ARHGEF10: variants seen among roughly 807,000 people sequenced by gnomAD.
ARHGEF10 encodes the protein Rho guanine nucleotide exchange factor 10, also known as Rho guanine nucleotide exchange factor (GEF) 10.
A neutral mutation model predicts 147.4 loss-of-function variants in ARHGEF10; 140 were observed. The observed-to-expected ratio is 0.95, with a 90% CI of 0.83 to 1.09. The LOEUF (loss-of-function observed/expected upper bound fraction) is 1.09, where lower values mean the gene tolerates loss of function less well. ARHGEF10 is among the 50% of genes least tolerant of loss of function. The probability of loss-of-function intolerance (pLI) is 0.00; values close to 1 mark genes in which losing one functional copy is unlikely to be tolerated. For synonymous variants in ARHGEF10, 902 were observed against 695.8 expected (o/e 1.30, Z -4.67); for missense variants, 2,222 against 1,752.7 (o/e 1.27, Z -4.78).
chr8:1,871,372 C>T (rs913211260), intron 7 of ARHGEF10, among the ~76,000 whole-genome samples: 15 of 151,304 alleles, frequency 9.9e-5, no homozygotes, highest in African/African-American at 3.6e-4. Context: ...TCAATACAAA[C>T]ATTTAGAAAT....
chr8:1,854,942 C>G (rs1475042655), intron 2 of ARHGEF10, among the ~76,000 whole-genome samples: 1 of 152,062 alleles, frequency 6.6e-6, no homozygotes, highest in Non-Finnish European at 1.5e-5. Context: ...CCCAGGTAAT[C>G]CCACCGGTCT....
intron 1 of ARHGEF10, among the ~76,000 whole-genome samples, chr8:1,829,026 C>G (rs988574264): frequency 6.6e-6 from 1 of 152,244 alleles, no homozygotes; most frequent in Non-Finnish European, 1.5e-5. Flanking sequence ...TGAGCGGACA[C>G]GGACGGGGAG....
At chr8:1,945,991 A>G in intron 27 of ARHGEF10, 1 of 457,772 alleles carries the variant, frequency 2.2e-6, no homozygotes, top group South Asian at 2.2e-5. Context: ...GGCCCTGGGG[A>G]AGCCAGGACC....
Position 1,957,156 on chromosome 8 carries a change from T to C in ARHGEF10, c.3928T>C (p.Cys1310Arg). Residue 1310 changes from cysteine (C) to arginine (R), a missense_variant, in exon 29 of 29, where the codon TGT becomes CGT. By Grantham distance (180) the Cys-to-Arg change is radical. Coordinates refer to ENST00000349830, the MANE Select transcript of ARHGEF10 (RefSeq NM_014629.4). ...CAAGGCCAGCTCGGCGCTGGTGGTC[T>C]GTGGAGGGCAGGGCCACCGCCGGGT... ...KAKASSALVV[C>R]GGQGHRRVHR... The C allele has an allele frequency of 6.2e-7, 1 of 1,612,734 alleles. No homozygotes were observed. Among genetic ancestry groups the C allele is most frequent in the Non-Finnish European group, 8.5e-7 (1 of 1,180,020 alleles).
intron 7 of ARHGEF10, among the ~76,000 whole-genome samples, chr8:1,872,028 T>C (rs1194331123): frequency 6.6e-6 from 1 of 151,740 alleles, no homozygotes; most frequent in East Asian, 1.9e-4. Flanking sequence ...CCTCTGGTTA[T>C]ATTAAGATGA....
chr8:1,879,813 A>G (rs2129119082), intron 8 of ARHGEF10, among the ~76,000 whole-genome samples: 1 of 152,158 alleles, frequency 6.6e-6, no homozygotes, highest in South Asian at 2.1e-4. Flanking sequence ...TCCGCCTCCT[A>G]AAGTGCTGGG....
At position 1,894,494 on chromosome 8, in the gene ARHGEF10, G is replaced by A. The variant is rs752826935; in HGVS notation, c.1362G>A (p.Ser454=). 1.2e-5 allele frequency: 20 copies of A among 1,614,080 alleles called. No homozygotes were observed. In the Admixed American group the frequency reaches 2.2e-4, roughly 17 times the overall value. ...TCAAAGAGATCCTGCAGTGCCACTC[G>A]CTATTTCAGATCGCGCTGGCCAGCC... ...YRVKEILQCH[S]LFQIALASRV... The change falls in exon 13 of 29, where the codon TCG becomes TCA. Residue 454 remains serine (S), a synonymous_variant. Transcript: ENST00000349830.
intron 26 of ARHGEF10, 142 bp downstream of exon 26, chr8:1,934,084 C>A: frequency 8.7e-7 from 1 of 1,154,820 alleles, no homozygotes; most frequent in Non-Finnish European, 1.3e-6. Flanking sequence ...CCTGTAATGC[C>A]AACACTCTGG....
At chr8:1,934,655 G>C (rs1813427205) in intron 26 of ARHGEF10, among the ~76,000 whole-genome samples, 1 of 152,130 alleles carries the variant, frequency 6.6e-6, no homozygotes, top group African/African-American at 2.4e-5. Context: ...ACACGGAGCT[G>C]GCTCTCAAAC....
rs1436310299 is a variant in ARHGEF10 at position 1,890,517 on chromosome 8, C to T, written c.1183-3052C>T. On this transcript the variant is annotated intron_variant, in intron 11 of 28. Coordinates refer to ENST00000349830, the MANE Select transcript of ARHGEF10 (RefSeq NM_014629.4). Reference sequence around the variant, plus strand: ...GGTTGTGAGGAGATTCTGAGTGGGGCGAGACGGGTCTCTGAGGAGACACTG... The same window carrying T: ...GGTTGTGAGGAGATTCTGAGTGGGGTGAGACGGGTCTCTGAGGAGACACTG... 2.3e-5 allele frequency among the ~76,000 whole-genome samples: 3 copies of T among 128,022 alleles called. 1 individual carries two copies. The highest frequency in any genetic ancestry group is 5.3e-4 in the South Asian group (2 of 3,770). The allele number at this position is 128,022 out of a possible 152,430, so 84.0% of individuals were successfully genotyped here.
At chr8:1,947,140 C>G (rs1263005811) in intron 27 of ARHGEF10, among the ~76,000 whole-genome samples, 1 of 152,210 alleles carries the variant, frequency 6.6e-6, no homozygotes, top group African/African-American at 2.4e-5. Flanking sequence ...TGGGACAAAA[C>G]CAAGTCACAT....
At chr8:1,920,200 T>C (rs1402132507) in intron 18 of ARHGEF10, among the ~76,000 whole-genome samples, 1 of 152,168 alleles carries the variant, frequency 6.6e-6, no homozygotes, top group Non-Finnish European at 1.5e-5. Flanking sequence ...TGTGTGAAAA[T>C]ATATAGAGCC....
At position 1,884,174 on chromosome 8, in the gene ARHGEF10, A is replaced by G. The variant is rs182667850; in HGVS notation, c.1075+1425A>G. Among the ~76,000 whole-genome samples the G allele has an allele frequency of 1.9e-3, 289 of 152,258 alleles. 4 individuals carry two copies. Among genetic ancestry groups the G allele is most frequent in the Non-Finnish European group, 6.3e-4 (43 of 68,010 alleles). On this transcript the variant is annotated intron_variant, in intron 10 of 28. Coordinates refer to ENST00000349830, the MANE Select transcript of ARHGEF10 (RefSeq NM_014629.4). The stretch of plus-strand genomic sequence containing the variant: ...TTTTGGAGGCCGAGGCGGGCAGATC[A>G]CGAGGTCAGGAGATCAAGACCATCC...
At chr8:1,844,465 T>TCACC (rs1329433075) in intron 2 of ARHGEF10, among the ~76,000 whole-genome samples, 3 of 151,354 alleles carry the variant, frequency 2.0e-5, no homozygotes, top group Non-Finnish European at 2.9e-5. Flanking sequence ...AATCCAGGGG[T>TCACC]GAGCAGTGGC....
chr8:1,902,138 C>T (rs1810515454), intron 15 of ARHGEF10, among the ~76,000 whole-genome samples: 1 of 152,088 alleles, frequency 6.6e-6, no homozygotes, highest in African/African-American at 2.4e-5. Flanking sequence ...TCTTAATGCT[C>T]TCCCTCCCCT....
chr8:1,922,212 G>T (rs1004019869), intron 18 of ARHGEF10, among the ~76,000 whole-genome samples: 4 of 151,392 alleles, frequency 2.6e-5, no homozygotes, highest in Non-Finnish European at 5.9e-5. Flanking sequence ...ATAGACCCCG[G>T]GACACGCGTC....
chr8:1,957,440 T>C lies in ARHGEF10; in HGVS notation c.*177T>C, dbSNP rs1343424935. ...TGTCCCTGCCAATTCCTTCCTTCTCTTCTGTACAGCAGAAGTAATTACAAG... is the reference window on the plus strand; with the variant it reads ...TGTCCCTGCCAATTCCTTCCTTCTCCTCTGTACAGCAGAAGTAATTACAAG... On this transcript the variant is annotated 3_prime_UTR_variant, in exon 29 of 29. Coordinates refer to ENST00000349830, the MANE Select transcript of ARHGEF10 (RefSeq NM_014629.4). 3.4e-6 allele frequency: 3 copies of C among 886,952 alleles called. No individual in the cohort carries two copies. In the Admixed American group the frequency reaches 7.6e-5, roughly 22 times the overall value. The allele number at this position is 886,952 out of a possible 1,614,324, so 54.9% of individuals were successfully genotyped here.
At chr8:1,879,947 T>C in intron 8 of ARHGEF10, 101 bp from the exon 9 acceptor site, 1 of 846,052 alleles carries the variant, frequency 1.2e-6, no homozygotes, top group Non-Finnish European at 2.1e-6. Flanking sequence ...ACAGGCCTGA[T>C]GTGCCACTGC....
intron 11 of ARHGEF10, among the ~76,000 whole-genome samples, chr8:1,890,067 C>T (rs1809336060): frequency 7.0e-6 from 1 of 142,560 alleles, no homozygotes; most frequent in Non-Finnish European, 1.5e-5. Flanking sequence ...TGTGCGGAGA[C>T]ACCGAGTGTG....
Sources: allele counts gnomAD v4.1 joint callset (sites outside exome capture counted in the v4.1 genomes callset), GRCh38; gene constraint gnomAD v4.1.1; transcripts MANE v1.5; gene names NCBI Gene and HGNC (gene_info 2026-07-23, HGNC 2026-07-21).